Variants in OSMR observed in about 807,000 individuals in gnomAD.
OSMR encodes the protein oncostatin-M-specific receptor subunit beta.
In OSMR, 81 loss-of-function variants were observed where a neutral mutation model predicts 99.9. That is an observed-to-expected ratio of 0.81 (90% CI 0.68 to 0.97). The LOEUF (loss-of-function observed/expected upper bound fraction) is 0.97, where lower values mean the gene tolerates loss of function less well. OSMR is among the 50% of genes least tolerant of loss of function. OSMR has a pLI of 0.00. For synonymous variants in OSMR, 406 were observed against 410.4 expected, an observed-to-expected ratio of 0.99 and a Z score of 0.13; for missense variants, 1,099 against 1,153.4, an observed-to-expected ratio of 0.95 and a Z score of 0.68.
chr5:38,920,459 A>G (rs964368609), intron 11 of OSMR, among the ~76,000 whole-genome samples: 2 of 152,246 alleles, frequency 1.3e-5, no homozygotes, highest in South Asian at 2.1e-4. Flanking sequence ...CTAAGTATCA[A>G]TAAGTCAAGT....
In OSMR at chr5:38,885,489, G is replaced by T. The variant is rs749111638; in HGVS notation, c.839+5G>T. On this transcript the variant is annotated splice_donor_5th_base_variant and intron_variant, in intron 6 of 17. Coordinates refer to ENST00000274276, the MANE Select transcript of OSMR (RefSeq NM_003999.3). ...AAGCTACACTTTATTTGAATCGTAA[G>T]TTGGCTCTGGTTACATTATTGACAA... 2.5e-6 allele frequency: 4 copies of T among 1,613,988 alleles called. No homozygotes were observed. Among genetic ancestry groups the T allele is most frequent in the South Asian group, 2.2e-5 (2 of 91,068 alleles).
intron 7 of OSMR, among the ~76,000 whole-genome samples, chr5:38,900,811 T>TA (rs1376469965): frequency 6.6e-6 from 1 of 152,242 alleles, no homozygotes; most frequent in Non-Finnish European, 1.5e-5. Flanking sequence ...TTGTGGCTTT[T>TA]ACAGGTTGTT....
At chr5:38,941,151 C>CA (rs1023913937) in intron 1 of OSMR, 4 of 232,790 alleles carry the variant, frequency 1.7e-5, no homozygotes, top group Non-Finnish European at 3.4e-5. Flanking sequence ...TTGCCCTCAT[C>CA]AACTTAACTT....
rs1407590677 is a variant in OSMR at position 38,934,184 on chromosome 5, C to CCAT, written c.*744_*746dup. 3.3e-5 allele frequency: 5 copies of CCAT among 152,708 alleles called. No homozygotes were observed. The highest frequency in any genetic ancestry group is 1.9e-4 in the East Asian group (1 of 5,178). The allele number at this position is 152,708 out of a possible 1,614,324, so 9.5% of individuals were successfully genotyped here. ...CTGCTCCATAGACATCAGTATTCTG[C>CCAT]CATCATTTTTGATGACTACCTCAGA... On this transcript the variant is annotated 3_prime_UTR_variant, in exon 18 of 18. Transcript: ENST00000274276.
At chr5:38,932,654 T>A in intron 17 of OSMR, 119 bp downstream of exon 17, 3 of 1,546,808 alleles carry the variant, frequency 1.9e-6, no homozygotes, top group Non-Finnish European at 2.6e-6. Context: ...GTAAAAGCCA[T>A]CTTTGCACCC....
At position 38,894,525 on chromosome 5, in the gene OSMR, C is replaced by CAA. The variant is rs1405005408; in HGVS notation, c.991+8339_991+8340dup. ...AAGATCTGTCATAAAAATGGAAAAC[C>CAA]AAAAAGAGCAAAAAGATATTCTTAT... is the stretch of plus-strand genomic sequence containing the variant. On this transcript the variant is annotated intron_variant, in intron 7 of 17. Transcript: ENST00000274276. 2.0e-5 allele frequency among the ~76,000 whole-genome samples: 3 copies of CAA among 151,124 alleles called. No individual in the cohort carries two copies. In the South Asian group the frequency reaches 6.3e-4, roughly 32 times the overall value.
chr5:38,912,571 CTA>C (rs1745653665), intron 9 of OSMR, among the ~76,000 whole-genome samples: 1 of 151,992 alleles, frequency 6.6e-6, no homozygotes. Flanking sequence ...TAGAAAAAAA[CTA>C]TTCAAAAAAT....
In OSMR at chr5:38,935,240, A is replaced by G. The variant is rs1288787423; in HGVS notation, c.*1796A>G. On this transcript the variant is annotated 3_prime_UTR_variant, in exon 18 of 18. Coordinates refer to ENST00000274276, the MANE Select transcript of OSMR (RefSeq NM_003999.3). Reference sequence around the variant, plus strand: ...CCTATGCTCATGCTTCTGGTGCCCAATGCCTTGCACTGTGCCATTCAACAC... The same window carrying G: ...CCTATGCTCATGCTTCTGGTGCCCAGTGCCTTGCACTGTGCCATTCAACAC... 6.6e-6 allele frequency: 1 copy of G among 152,240 alleles called. No homozygotes were observed. Among genetic ancestry groups the G allele is most frequent in the Non-Finnish European group, 1.5e-5 (1 of 68,074 alleles). The allele number at this position is 152,240 out of a possible 1,614,324, so 9.4% of individuals were successfully genotyped here. A position where few individuals can be genotyped will look rare whatever the true frequency, so the allele number is the denominator to read the frequency against.
rs769344392 is a variant in OSMR, at chr5:38,885,484, C to T, written c.839C>T (p.Ser280Leu). The change falls in exon 6 of 18, where the codon TCA becomes TTA. Residue 280 changes from serine (S) to leucine (L), a missense_variant and splice_region_variant. Coordinates refer to ENST00000274276, the MANE Select transcript of OSMR (RefSeq NM_003999.3). The part of the protein sequence containing the change: ...QPSQSYTLFE[S>L]FSGEKKLCTH... ...TCCCAAAGCTACACTTTATTTGAAT[C>T]GTAAGTTGGCTCTGGTTACATTATT... 1.9e-5 allele frequency: 31 copies of T among 1,613,868 alleles called. No individual in the cohort carries two copies. The highest frequency in any genetic ancestry group is 8.0e-5 in the African/African-American group (6 of 74,890).
Position 38,879,770 on chromosome 5 carries a change from C to T in OSMR, c.247-1823C>T, listed in dbSNP as rs185643024. On this transcript the variant is annotated intron_variant, in intron 3 of 17. Coordinates refer to ENST00000274276, the MANE Select transcript of OSMR (RefSeq NM_003999.3). ...TCTTGAGTTGCTGGGATTACAGGCA[C>T]GCACTACCACATCCGGCTAATTTTT... 4.5e-4 allele frequency among the ~76,000 whole-genome samples: 69 copies of T among 152,028 alleles called. 1 individual carries two copies. The highest frequency in any genetic ancestry group is 1.3e-3 in the African/African-American group (52 of 41,460).
chr5:38,942,192 C>T, intron 1 of OSMR: 1 of 597,496 alleles, frequency 1.7e-6, no homozygotes, highest in South Asian at 3.1e-5. Context: ...GAACAGTGTA[C>T]AGAAGATACT....
downstream of OSMR, chr5:38,945,161 C>T: frequency 1.1e-6 from 1 of 918,048 alleles, no homozygotes; most frequent in Non-Finnish European, 1.6e-6. Flanking sequence ...TATAAAATAA[C>T]ATCTTCTCTA....
rs116432854 is a variant in OSMR, at chr5:38,869,149, A to G, written c.73+32A>G. 2.0e-6 allele frequency: 3 copies of G among 1,468,926 alleles called. No individual in the cohort carries two copies. In the African/African-American group the frequency reaches 4.2e-5, roughly 20 times the overall value. The allele number at this position is 1,468,926 out of a possible 1,614,324, so 91.0% of individuals were successfully genotyped here. ...AGTGGAAGGAACAGTAAAGACAAAA[A>G]TCACGTCGGGAACAAATGAAGTCAT... On this transcript the variant is annotated intron_variant, in intron 2 of 17. Transcript: ENST00000274276.
At chr5:38,919,913 GA>G (rs1366644996) in intron 11 of OSMR, among the ~76,000 whole-genome samples, 3 of 152,282 alleles carry the variant, frequency 2.0e-5, no homozygotes, top group Admixed American at 6.5e-5. Context: ...ATCACATGAG[GA>G]AAAGAAACTA....
chr5:38,854,146 C>T (rs1036510895), intron 1 of OSMR, among the ~76,000 whole-genome samples: 1 of 152,048 alleles, frequency 6.6e-6, no homozygotes, highest in Non-Finnish European at 1.5e-5. Context: ...TAAATGCATA[C>T]ACCCAGGCAT....
intron 1 of OSMR, among the ~76,000 whole-genome samples, chr5:38,867,651 A>G (rs2112223613): frequency 6.6e-6 from 1 of 152,344 alleles, no homozygotes; most frequent in Non-Finnish European, 1.5e-5. Flanking sequence ...TACCTGATGA[A>G]TCAGTGAAGC....
At chr5:38,921,585 T>A in intron 11 of OSMR, 30 bp from the exon 12 acceptor site, 1 of 1,613,722 alleles carries the variant, frequency 6.2e-7, no homozygotes, top group East Asian at 2.2e-5. Flanking sequence ...TAATTAAATC[T>A]GGAGCATTGC....
At chr5:38,941,178 CAATT>C (rs1278403955) in intron 1 of OSMR, 1 of 232,710 alleles carries the variant, frequency 4.3e-6, no homozygotes, top group Non-Finnish European at 8.5e-6. Context: ...TGGATAAAGG[CAATT>C]AATATACTCA....
chr5:38,902,289 A>G (rs1178461815), intron 7 of OSMR, among the ~76,000 whole-genome samples: 1 of 152,208 alleles, frequency 6.6e-6, no homozygotes, highest in African/African-American at 2.4e-5. Context: ...TGTTGGGGGA[A>G]CATACCCCTT....
Sources: allele counts gnomAD v4.1 joint callset (sites outside exome capture counted in the v4.1 genomes callset), GRCh38; gene constraint gnomAD v4.1.1; transcripts MANE v1.5; gene names NCBI Gene and HGNC (gene_info 2026-07-23, HGNC 2026-07-21).